CNTNAP4: variants seen among roughly 807,000 people sequenced by gnomAD.
CNTNAP4 encodes the protein contactin associated protein family member 4, also known as contactin-associated protein-like 4.
CNTNAP4 carries 98 observed loss-of-function variants against 148.4 expected under a neutral mutation model. The ratio of observed to expected loss-of-function variants is 0.66; its 90% confidence interval spans 0.56 to 0.78. The LOEUF is 0.78. CNTNAP4 is among the 30% of genes least tolerant of loss of function. The pLI, the probability that CNTNAP4 is intolerant of heterozygous loss-of-function variation, is 0.00. For synonymous variants in CNTNAP4, 730 were observed against 565.1 expected, an observed-to-expected ratio of 1.29 and a Z score of -4.14; for missense variants, 1,935 against 1,565.6, an observed-to-expected ratio of 1.24 and a Z score of -3.98.
chr16:76,390,029 C>A (rs1014179886), intron 3 of CNTNAP4, among the ~76,000 whole-genome samples: 3 of 152,092 alleles, frequency 2.0e-5, no homozygotes, highest in Non-Finnish European at 4.4e-5. Context: ...GAGCTTAGCC[C>A]CACTGGGGAA....
At chr16:76,429,090 A>C (rs964799416) in intron 4 of CNTNAP4, among the ~76,000 whole-genome samples, 3 of 152,166 alleles carry the variant, frequency 2.0e-5, no homozygotes, top group Non-Finnish European at 4.4e-5. Context: ...ACCTCTCACT[A>C]TCTGTCCGCC....
chr16:76,347,994 G>C (rs958034217), intron 2 of CNTNAP4, among the ~76,000 whole-genome samples: 1 of 152,146 alleles, frequency 6.6e-6, no homozygotes, highest in Admixed American at 6.5e-5. Context: ...TAGAATCTCA[G>C]TGGGCACAGG....
chr16:76,385,260 T>C (rs1057118405), intron 3 of CNTNAP4, among the ~76,000 whole-genome samples: 1 of 152,242 alleles, frequency 6.6e-6, no homozygotes, highest in African/African-American at 2.4e-5. Context: ...TTATGTTTTA[T>C]AAAGTTTCCA....
In CNTNAP4 at chr16:76,316,449, A is replaced by G. The variant is rs1253696189; in HGVS notation, c.122A>G (p.Gln41Arg). The change falls in exon 2 of 24, where the codon CAG becomes CGG. Residue 41 changes from glutamine to arginine, a missense_variant. By Grantham distance (43) the Gln-to-Arg change is conservative (BLOSUM62 1). Coordinates refer to ENST00000611870, the MANE Select transcript of CNTNAP4 (RefSeq NM_033401.5). Reference sequence around the variant, plus strand: ...GATCCTCTTGTGTCTGCCTTGCCTCAGGCATCCTTCAGCAGTTCTTCCGAG... The same window carrying G: ...GATCCTCTTGTGTCTGCCTTGCCTCGGGCATCCTTCAGCAGTTCTTCCGAG... ...CDDPLVSALP[Q>R]ASFSSSSELS... 1.2e-6 allele frequency: 2 copies of G among 1,613,708 alleles called. No homozygotes were observed. Among genetic ancestry groups the G allele is most frequent in the East Asian group, 2.2e-5 (1 of 44,882 alleles).
At chr16:76,484,079 T>A (rs1050741880) in intron 12 of CNTNAP4, among the ~76,000 whole-genome samples, 1 of 144,004 alleles carries the variant, frequency 6.9e-6, no homozygotes, top group Non-Finnish European at 1.5e-5. Context: ...TTAATGTACA[T>A]TATTATAGAA....
intron 4 of CNTNAP4, among the ~76,000 whole-genome samples, chr16:76,430,865 C>G (rs2079581347): frequency 6.6e-6 from 1 of 152,178 alleles, no homozygotes. Context: ...AATCAGCTGT[C>G]TCATTTTCCT....
chr16:76,516,488 T>G (rs1013035536), intron 15 of CNTNAP4, among the ~76,000 whole-genome samples: 8 of 152,200 alleles, frequency 5.3e-5, no homozygotes, highest in Non-Finnish European at 1.2e-4. Flanking sequence ...TCTAGATCCT[T>G]GAGGAATCAC....
At position 76,441,472 on chromosome 16, in the gene CNTNAP4, G is replaced by A. The variant is rs118132677; in HGVS notation, c.539-6540G>A. On this transcript the variant is annotated intron_variant, in intron 4 of 23. Transcript: ENST00000611870. Reference sequence around the variant, plus strand: ...GGGAGAATTGATATGAGAGTAGGGCGTACAATCTTTTTGAGTCTCTTCTTT... The same window carrying A: ...GGGAGAATTGATATGAGAGTAGGGCATACAATCTTTTTGAGTCTCTTCTTT... Among the ~76,000 whole-genome samples, 1,273 of 152,230 alleles carry A rather than the reference G, an allele frequency of 8.4e-3. 13 individuals carry two copies. The highest frequency in any genetic ancestry group is 9.2e-3 in the Non-Finnish European group (628 of 68,022).
chr16:76,418,792 A>T (rs1378035051), intron 3 of CNTNAP4, among the ~76,000 whole-genome samples: 2 of 151,594 alleles, frequency 1.3e-5, no homozygotes, highest in African/African-American at 2.4e-5. Flanking sequence ...AATGCGCTAT[A>T]TCTGATGACA....
chr16:76,359,297 G>C (rs917270250), intron 3 of CNTNAP4, among the ~76,000 whole-genome samples: 1 of 152,110 alleles, frequency 6.6e-6, no homozygotes, highest in Non-Finnish European at 1.5e-5. Flanking sequence ...ATAAGTCTAC[G>C]AAAGAGAGTT....
intron 3 of CNTNAP4, among the ~76,000 whole-genome samples, chr16:76,400,258 T>C (rs1001044894): frequency 6.6e-6 from 1 of 152,174 alleles, no homozygotes; most frequent in African/African-American, 2.4e-5. Context: ...GATACTTATA[T>C]ACATTGTGGA....
chr16:76,466,891 C>G (rs1253468206), intron 9 of CNTNAP4, among the ~76,000 whole-genome samples: 3 of 151,890 alleles, frequency 2.0e-5, no homozygotes, highest in African/African-American at 7.2e-5. Context: ...CCAAGAGAAC[C>G]CATTTTCCAA....
chr16:76,356,291 A>G (rs1470021334), intron 3 of CNTNAP4, among the ~76,000 whole-genome samples: 1 of 152,138 alleles, frequency 6.6e-6, no homozygotes, highest in Non-Finnish European at 1.5e-5. Flanking sequence ...TATATATAAT[A>G]TGTGGAGTTG....
intron 3 of CNTNAP4, among the ~76,000 whole-genome samples, chr16:76,407,926 T>A (rs2078652656): frequency 6.6e-6 from 1 of 152,080 alleles, no homozygotes; most frequent in Non-Finnish European, 1.5e-5. Context: ...ATTGTTTTTT[T>A]AAAAATTCAC....
intron 2 of CNTNAP4, among the ~76,000 whole-genome samples, chr16:76,325,336 A>G (rs55876774): frequency 0.013 from 1,966 of 152,278 alleles, 56 homozygotes; most frequent in African/African-American, 0.045. Context: ...TACTCTGTGT[A>G]GTATATCTCC....
At chr16:76,502,730 G>A (rs1187160632) in intron 15 of CNTNAP4, among the ~76,000 whole-genome samples, 1 of 152,078 alleles carries the variant, frequency 6.6e-6, no homozygotes, top group Non-Finnish European at 1.5e-5. Flanking sequence ...TAAAGCCTTG[G>A]GGATGATCTC....
intron 17 of CNTNAP4, among the ~76,000 whole-genome samples, chr16:76,524,616 A>T (rs187662970): frequency 6.6e-6 from 1 of 152,298 alleles, no homozygotes; most frequent in Admixed American, 6.5e-5. Context: ...GTCATCAGAA[A>T]ACTGCTTTAA....
intron 2 of CNTNAP4, among the ~76,000 whole-genome samples, chr16:76,337,503 A>G (rs1262246048): frequency 1.3e-5 from 2 of 152,140 alleles, no homozygotes; most frequent in Non-Finnish European, 2.9e-5. Flanking sequence ...GGTCACAGGG[A>G]TCACATGCTT....
In CNTNAP4 at chr16:76,355,401, G is replaced by A; in HGVS notation, c.280G>A (p.Val94Met). 1.2e-6 allele frequency: 2 copies of A among 1,611,462 alleles called. No homozygotes were observed. Among genetic ancestry groups the A allele is most frequent in the Non-Finnish European group, 1.7e-6 (2 of 1,178,554 alleles). ...TGGAGAGAGAATGGAGGTCACCGCT[G>A]TGGCCACTCAAGGGGGATATGGTAG... ...DLGERMEVTAVATQGGYGSSN... is the reference protein window; with the variant it reads ...DLGERMEVTAMATQGGYGSSN... The change falls in exon 3 of 24, where the codon GTG (valine) becomes ATG (methionine). Residue 94 changes from valine (V) to methionine (M), a missense_variant. Val to Met is a conservative substitution (Grantham distance 21). Coordinates refer to ENST00000611870, the MANE Select transcript of CNTNAP4 (RefSeq NM_033401.5).
Sources: allele counts gnomAD v4.1 joint callset (sites outside exome capture counted in the v4.1 genomes callset), GRCh38; gene constraint gnomAD v4.1.1; transcripts MANE v1.5; gene names NCBI Gene and HGNC (gene_info 2026-07-23, HGNC 2026-07-21).